Variants in CDKAL1 observed in about 807,000 individuals in gnomAD.
The protein encoded by CDKAL1 is CDKAL1 threonylcarbamoyladenosine tRNA methylthiotransferase.
CDKAL1 carries 32 observed loss-of-function variants against 68.2 expected under a neutral mutation model. The observed-to-expected ratio is 0.47, with a 90% confidence interval of 0.35 to 0.63. The LOEUF (loss-of-function observed/expected upper bound fraction) is 0.63, where lower values mean the gene tolerates loss of function less well. Among genes scored for constraint, CDKAL1 ranks in the 30% least tolerant of loss-of-function variants. The pLI is 0.00. For synonymous variants in CDKAL1, 234 were observed against 244.3 expected, an observed-to-expected ratio of 0.96 and a Z score of 0.39; for missense variants, 606 against 696.7, an observed-to-expected ratio of 0.87 and a Z score of 1.47.
chr6:20,569,050 T>A (rs115940916), intron 4 of CDKAL1, among the ~76,000 whole-genome samples: 2,343 of 152,334 alleles, frequency 0.015, 66 homozygotes, highest in African/African-American at 0.054. Flanking sequence ...TGAATTTATA[T>A]CAATATCCAT....
chr6:20,878,518 T>A (rs988503248), intron 9 of CDKAL1, among the ~76,000 whole-genome samples: 1 of 151,856 alleles, frequency 6.6e-6, no homozygotes, highest in East Asian at 1.9e-4. Context: ...GGCCGGCGGA[T>A]CACTTGAGAT....
intron 13 of CDKAL1, among the ~76,000 whole-genome samples, chr6:21,150,167 C>T (rs569446766): frequency 3.9e-5 from 6 of 152,230 alleles, no homozygotes; most frequent in Admixed American, 6.5e-5. Flanking sequence ...CTGTCCTGAA[C>T]GTTTCTGTTC....
chr6:21,041,227 A>G (rs1162285240), intron 11 of CDKAL1, among the ~76,000 whole-genome samples: 7 of 152,314 alleles, frequency 4.6e-5, no homozygotes, highest in Non-Finnish European at 1.0e-4. Flanking sequence ...TTTCTCATAG[A>G]TTAGAGAGAG....
intron 13 of CDKAL1, among the ~76,000 whole-genome samples, chr6:21,149,750 T>C (rs543254676): frequency 1.4e-4 from 22 of 152,314 alleles, no homozygotes; most frequent in Admixed American, 1.2e-3. Context: ...CACTGGGAAG[T>C]TGGCTAAGGT....
At chr6:20,858,192 G>C (rs1050779224) in intron 9 of CDKAL1, among the ~76,000 whole-genome samples, 2 of 152,110 alleles carry the variant, frequency 1.3e-5, no homozygotes, top group Non-Finnish European at 2.9e-5. Flanking sequence ...AGATTTCCAG[G>C]CTCTACCTCA....
intron 15 of CDKAL1, among the ~76,000 whole-genome samples, chr6:21,229,171 G>C (rs1779863025): frequency 6.6e-6 from 1 of 152,180 alleles, no homozygotes; most frequent in African/African-American, 2.4e-5. Flanking sequence ...TCTACAGACA[G>C]AGCAAGAATT....
chr6:20,621,448 C>T (rs1388709467), intron 4 of CDKAL1, among the ~76,000 whole-genome samples: 1 of 152,116 alleles, frequency 6.6e-6, no homozygotes, highest in Non-Finnish European at 1.5e-5. Context: ...CTCTTTTCTT[C>T]CCTCCCTTCC....
chr6:21,138,986 A>G (rs769321290), intron 13 of CDKAL1, among the ~76,000 whole-genome samples: 2 of 152,224 alleles, frequency 1.3e-5, no homozygotes, highest in Non-Finnish European at 2.9e-5. Flanking sequence ...CCTGCTTTCA[A>G]GAGAGAATGT....
intron 10 of CDKAL1, among the ~76,000 whole-genome samples, chr6:20,977,574 A>T (rs977194845): frequency 1.3e-5 from 2 of 152,154 alleles, no homozygotes; most frequent in African/African-American, 2.4e-5. Context: ...TATGATTTTT[A>T]AAAAATAATT....
intron 9 of CDKAL1, among the ~76,000 whole-genome samples, chr6:20,852,298 AAG>A (rs1334343782): frequency 6.6e-5 from 10 of 152,216 alleles, no homozygotes; most frequent in African/African-American, 2.4e-4. Flanking sequence ...GAGTATGTAA[AAG>A]AAAGTATACA....
chr6:21,109,789 G>T (rs944648794), intron 13 of CDKAL1, among the ~76,000 whole-genome samples: 1 of 152,160 alleles, frequency 6.6e-6, no homozygotes, highest in Non-Finnish European at 1.5e-5. Context: ...ATGAACATAA[G>T]TGCAGCAGTG....
chr6:20,847,785 T>C, intron 9 of CDKAL1, among the ~76,000 whole-genome samples: 1 of 152,188 alleles, frequency 6.6e-6, no homozygotes, highest in African/African-American at 2.4e-5. Flanking sequence ...GTGGATGGTG[T>C]CCAGGTTCTT....
At chr6:20,846,501 A>G (rs890265852) in intron 9 of CDKAL1, among the ~76,000 whole-genome samples, 7 of 152,202 alleles carry the variant, frequency 4.6e-5, no homozygotes, top group Non-Finnish European at 8.8e-5. Flanking sequence ...GTCTGTTAAG[A>G]TTTTTGTGGA....
At chr6:21,012,586 G>C (rs1768082780) in intron 11 of CDKAL1, among the ~76,000 whole-genome samples, 1 of 152,184 alleles carries the variant, frequency 6.6e-6, no homozygotes, top group South Asian at 2.1e-4. Context: ...AAAAATGGGA[G>C]AATAAGAAAC....
chr6:20,869,388 ATAATT>A lies in CDKAL1; in HGVS notation c.742+23214_742+23218del, dbSNP rs201698471. 1.2e-4 allele frequency among the ~76,000 whole-genome samples: 19 copies of A among 152,358 alleles called. No individual in the cohort carries two copies. The East Asian group carries it at 2.7e-3, about 22-fold the overall frequency. On this transcript the variant is annotated intron_variant, in intron 9 of 15. Transcript: ENST00000274695. ...TTCAGAATAATTTATAAATAAAAGT[ATAATT>A]TAAAGAGTAAATAGTAAACCACATT...
intron 5 of CDKAL1, among the ~76,000 whole-genome samples, chr6:20,691,983 T>C (rs1167715662): frequency 6.6e-6 from 1 of 152,120 alleles, no homozygotes; most frequent in East Asian, 1.9e-4. Context: ...TGCACAAAAG[T>C]TTTTAATTTT....
chr6:21,182,926 A>G (rs1038081371), intron 13 of CDKAL1, among the ~76,000 whole-genome samples: 2 of 152,208 alleles, frequency 1.3e-5, no homozygotes, highest in Non-Finnish European at 2.9e-5. Context: ...ACATATAAGC[A>G]AGCTTAAAAA....
intron 6 of CDKAL1, among the ~76,000 whole-genome samples, chr6:20,754,611 CT>C (rs1561748108): frequency 3.9e-5 from 6 of 152,108 alleles, no homozygotes; most frequent in Admixed American, 3.9e-4. Context: ...GGAAAAGTGT[CT>C]GTTCAGATTA....
At chr6:20,699,020 C>T (rs1771227611) in intron 5 of CDKAL1, among the ~76,000 whole-genome samples, 1 of 152,076 alleles carries the variant, frequency 6.6e-6, no homozygotes, top group Admixed American at 6.5e-5. Context: ...CTTGTATAAC[C>T]ATTTTTTTAA....
Sources: allele counts gnomAD v4.1 joint callset (sites outside exome capture counted in the v4.1 genomes callset), GRCh38; gene constraint gnomAD v4.1.1; transcripts MANE v1.5; gene names NCBI Gene and HGNC (gene_info 2026-07-23, HGNC 2026-07-21).